Variants in SNTG1 observed in about 807,000 individuals in gnomAD.
The protein encoded by SNTG1 is gamma-1-syntrophin.
SNTG1 carries 39 observed loss-of-function variants against 74.7 expected under a neutral mutation model. The ratio of observed to expected loss-of-function variants is 0.52; its 90% CI spans 0.40 to 0.68. The LOEUF (loss-of-function observed/expected upper bound fraction) is 0.68. Ranked by LOEUF, SNTG1 falls within the 30% of genes least tolerant of loss-of-function variation. The pLI is 0.00. For missense variants in SNTG1, 685 were observed against 609.5 expected (o/e 1.12, Z -1.30); for synonymous variants, 254 against 217.1 (o/e 1.17, Z -1.49).
In SNTG1 at chr8:50,022,231, C is replaced by A. The variant is rs183090417; in HGVS notation, c.-103+110000C>A. Among the ~76,000 whole-genome samples the A allele has an allele frequency of 8.0e-3, 1,222 of 152,170 alleles. 22 individuals carry two copies. The highest frequency in any genetic ancestry group is 0.028 in the African/African-American group (1,149 of 41,520). On this transcript the variant is annotated intron_variant, in intron 1 of 18. Transcript: ENST00000642720. ...TGTGATGGAGACAATAACAATGTCT[C>A]GAGACTGCTCTGTAGATAAATGAGA...
chr8:50,597,351 G>A (rs559405198), intron 13 of SNTG1, among the ~76,000 whole-genome samples: 78 of 132,166 alleles, frequency 5.9e-4, no homozygotes, highest in African/African-American at 1.8e-3. Flanking sequence ...ATATATACAC[G>A]TATATATACA....
intron 2 of SNTG1, among the ~76,000 whole-genome samples, chr8:50,226,811 G>T (rs2085352663): frequency 6.6e-6 from 1 of 152,114 alleles, no homozygotes; most frequent in African/African-American, 2.4e-5. Flanking sequence ...AGGCCCTCCT[G>T]AGTGTTGTGT....
At chr8:49,964,876 A>C (rs373975545) in intron 1 of SNTG1, among the ~76,000 whole-genome samples, 10 of 152,082 alleles carry the variant, frequency 6.6e-5, no homozygotes, top group East Asian at 3.9e-4. Flanking sequence ...AGTGTATTTC[A>C]TTTTTTCTAT....
Position 49,957,673 on chromosome 8 carries a change from A to C in SNTG1, c.-103+45442A>C, listed in dbSNP as rs530060577. ...AATGTCATTCAGTCTGAGCCAGGTT[A>C]CTTACTCAGATGCTTACCTTCCCCT... On this transcript the variant is annotated intron_variant, in intron 1 of 18. Transcript: ENST00000642720. Among the ~76,000 whole-genome samples the C allele has an allele frequency of 3.3e-4, 50 of 152,356 alleles. 1 individual carries two copies. Among genetic ancestry groups the C allele is most frequent in the African/African-American group, 1.2e-3 (48 of 41,590 alleles).
At chr8:50,205,167 C>G (rs1300785850) in intron 2 of SNTG1, among the ~76,000 whole-genome samples, 3 of 152,148 alleles carry the variant, frequency 2.0e-5, no homozygotes, top group African/African-American at 7.2e-5. Flanking sequence ...AATGGTTGAA[C>G]AAGTTTACAG....
intron 13 of SNTG1, among the ~76,000 whole-genome samples, chr8:50,643,216 C>G (rs1355718128): frequency 6.6e-6 from 1 of 152,230 alleles, no homozygotes; most frequent in Non-Finnish European, 1.5e-5. Flanking sequence ...TTTTAGCACA[C>G]TGCTCCAAGT....
chr8:50,442,936 A>G (rs2131589119), intron 5 of SNTG1, among the ~76,000 whole-genome samples: 1 of 152,134 alleles, frequency 6.6e-6, no homozygotes, highest in South Asian at 2.1e-4. Flanking sequence ...CACCATTTCT[A>G]CTGGCATTTC....
chr8:50,328,776 T>G (rs745657119), intron 2 of SNTG1, among the ~76,000 whole-genome samples: 1 of 152,192 alleles, frequency 6.6e-6, no homozygotes, highest in Non-Finnish European at 1.5e-5. Context: ...CCAAATCTCA[T>G]GTATTTTCAC....
intron 6 of SNTG1, among the ~76,000 whole-genome samples, 171 bp from the exon 7 acceptor site, chr8:50,450,385 A>G (rs935043799): frequency 2.0e-5 from 3 of 152,192 alleles, no homozygotes; most frequent in African/African-American, 7.2e-5. Flanking sequence ...CAGTAATTAG[A>G]CTGAGTCATA....
At chr8:50,513,367 A>G (rs2094102233) in intron 9 of SNTG1, among the ~76,000 whole-genome samples, 1 of 152,188 alleles carries the variant, frequency 6.6e-6, no homozygotes. Context: ...GAGGACAGGG[A>G]CCCACTTGAG....
At chr8:50,348,937 A>G (rs777606975) in intron 2 of SNTG1, among the ~76,000 whole-genome samples, 5 of 152,226 alleles carry the variant, frequency 3.3e-5, no homozygotes, top group Non-Finnish European at 5.9e-5. Flanking sequence ...GCATATGATT[A>G]CAACAGCCTA....
intron 5 of SNTG1, among the ~76,000 whole-genome samples, chr8:50,445,952 C>A (rs1418232550): frequency 6.6e-6 from 1 of 152,072 alleles, no homozygotes; most frequent in Non-Finnish European, 1.5e-5. Flanking sequence ...GGGCTTTAAG[C>A]CAAAATTTCA....
At chr8:50,425,471 C>T (rs887390858) in intron 4 of SNTG1, among the ~76,000 whole-genome samples, 3 of 152,096 alleles carry the variant, frequency 2.0e-5, no homozygotes, top group Non-Finnish European at 2.9e-5. Flanking sequence ...CCAGATGGGA[C>T]CACCTAGTTG....
chr8:50,520,823 G>A (rs1302000005), intron 9 of SNTG1, among the ~76,000 whole-genome samples: 1 of 152,174 alleles, frequency 6.6e-6, no homozygotes, highest in African/African-American at 2.4e-5. Flanking sequence ...CACTGTTGGT[G>A]GGAGTGTAAA....
intron 10 of SNTG1, among the ~76,000 whole-genome samples, chr8:50,535,392 A>T (rs2094300389): frequency 6.6e-6 from 1 of 152,136 alleles, no homozygotes; most frequent in African/African-American, 2.4e-5. Context: ...TGAAGATCTG[A>T]CCTCACATCA....
intron 8 of SNTG1, among the ~76,000 whole-genome samples, chr8:50,501,425 GTTTTTTTTTTTTTT>G (rs59123896): frequency 1.4e-4 from 8 of 57,098 alleles, no homozygotes; most frequent in Admixed American, 1.3e-3. Flanking sequence ...GAGCCTGTGC[GTTTTTTTTTTTTTT>G]TTTTTTTTTT....
intron 11 of SNTG1, among the ~76,000 whole-genome samples, chr8:50,537,495 T>C (rs575231720): frequency 6.6e-6 from 1 of 152,206 alleles, no homozygotes; most frequent in South Asian, 2.1e-4. Flanking sequence ...CTTTTCATTC[T>C]TGAAACTTTT....
At chr8:49,920,254 A>G (rs574375403) in intron 1 of SNTG1, among the ~76,000 whole-genome samples, 24 of 152,154 alleles carry the variant, frequency 1.6e-4, no homozygotes, top group African/African-American at 5.3e-4. Context: ...CGTTCGTAAT[A>G]CTATTTTCTC....
intron 15 of SNTG1, among the ~76,000 whole-genome samples, chr8:50,702,768 T>C (rs1273761992): frequency 6.6e-6 from 1 of 152,208 alleles, no homozygotes; most frequent in Non-Finnish European, 1.5e-5. Flanking sequence ...CAGCATAACG[T>C]ACTGCACAGC....
Sources: allele counts gnomAD v4.1 joint callset (sites outside exome capture counted in the v4.1 genomes callset), GRCh38; gene constraint gnomAD v4.1.1; transcripts MANE v1.5; gene names NCBI Gene and HGNC (gene_info 2026-07-23, HGNC 2026-07-21).